Variants in SLC13A1 observed in about 807,000 individuals in gnomAD.
The protein encoded by SLC13A1 is Na(+)/sulfate cotransporter.
Under a neutral mutation model 70.0 loss-of-function variants are expected in SLC13A1, and 65 were observed. The ratio of observed to expected loss-of-function variants is 0.93; its 90% confidence interval spans 0.76 to 1.14. SLC13A1 has a LOEUF of 1.14. Ranked by LOEUF, SLC13A1 falls within the 50% of genes most tolerant of loss-of-function variation. The pLI, the probability that SLC13A1 is intolerant of heterozygous loss-of-function variation, is 0.00. For missense variants in SLC13A1, 726 were observed against 717.8 expected, an observed-to-expected ratio of 1.01 and a Z score of -0.13; for synonymous variants, 275 against 250.5, an observed-to-expected ratio of 1.10 and a Z score of -0.92.
intron 6 of SLC13A1, among the ~76,000 whole-genome samples, chr7:123,153,460 A>C (rs1585340967): frequency 1.3e-5 from 2 of 152,074 alleles, no homozygotes; most frequent in Non-Finnish European, 2.9e-5. Context: ...CATGAGCTCC[A>C]TGCATTCAGA....
intron 2 of SLC13A1, among the ~76,000 whole-genome samples, chr7:123,178,033 C>CTCTCTCTCTCTCTCTCTCTATATA (rs761704605): frequency 7.3e-5 from 11 of 149,956 alleles, no homozygotes; most frequent in African/African-American, 2.7e-4. Context: ...CTCTCTCTCT[C>CTCTCTCTCTCTCTCTCTCTATATA]TATATATATA....
At chr7:123,161,584 A>C (rs999225906) in intron 6 of SLC13A1, among the ~76,000 whole-genome samples, 4 of 152,152 alleles carry the variant, frequency 2.6e-5, no homozygotes, top group Non-Finnish European at 5.9e-5. Context: ...GGAGATGGGG[A>C]GCCATCTTGA....
rs201036744 is a variant in SLC13A1 at position 123,171,835 on chromosome 7, C to A, written c.298G>T (p.Glu100Ter). 25 of 1,613,492 alleles carry A rather than the reference C, an allele frequency of 1.5e-5. No homozygotes were observed. Among genetic ancestry groups the A allele is most frequent in the Non-Finnish European group, 1.9e-5 (22 of 1,179,658 alleles). The change falls in exon 3 of 15, where the codon GAA (glutamate) becomes TAA (stop). Residue 100 changes from glutamate (E) to a stop codon, truncating the protein, a stop_gained. Coordinates refer to ENST00000194130, the MANE Select transcript of SLC13A1 (RefSeq NM_022444.4). LOFTEE classifies it high-confidence loss of function. ...IGVICLATSIEKWNLHKRIAL... is the reference protein window; with the variant it reads ...IGVICLATSI ...ATTCTCTTGTGCAAATTCCATTTTT[C>A]TATGGATGTTGCTAAACAGATAACT...
At chr7:123,183,996 G>T (rs552848483) in intron 1 of SLC13A1, among the ~76,000 whole-genome samples, 3 of 152,114 alleles carry the variant, frequency 2.0e-5, no homozygotes, top group South Asian at 2.1e-4. Flanking sequence ...GCTAGCTAAG[G>T]CACCATATCT....
chr7:123,129,028 T>C (rs908748540), intron 9 of SLC13A1, 82 bp from the exon 10 acceptor site: 1 of 911,562 alleles, frequency 1.1e-6, no homozygotes, highest in African/African-American at 1.7e-5. Flanking sequence ...TTGTCAGGAA[T>C]GATCGCAGTA....
chr7:123,177,993 A>G (rs1457962063), intron 2 of SLC13A1, among the ~76,000 whole-genome samples: 1 of 150,544 alleles, frequency 6.6e-6, no homozygotes, highest in Non-Finnish European at 1.5e-5. Flanking sequence ...GTAAATACAT[A>G]ACATAACACC....
intron 8 of SLC13A1, among the ~76,000 whole-genome samples, chr7:123,129,750 C>T (rs1793693130): frequency 6.6e-6 from 1 of 152,112 alleles, no homozygotes; most frequent in African/African-American, 2.4e-5. Flanking sequence ...CATCCTTTAC[C>T]AATCTCTTCC....
At chr7:123,147,985 C>A (rs1794421853) in intron 6 of SLC13A1, among the ~76,000 whole-genome samples, 1 of 152,110 alleles carries the variant, frequency 6.6e-6, no homozygotes, top group Non-Finnish European at 1.5e-5. Context: ...CATCTACACA[C>A]CTTAATGGAT....
In SLC13A1 at chr7:123,169,198, G is replaced by C; in HGVS notation, c.503C>G (p.Thr168Ser). 6.2e-7 allele frequency: 1 copy of C among 1,614,028 alleles called. No homozygotes were observed. Among genetic ancestry groups the C allele is most frequent in the South Asian group, 1.1e-5 (1 of 91,078 alleles). ...TGATCCGTTGAAGTAAGTCATCTGA[G>C]TGGCCTCGACCTCTGCTTCTGCATT... The part of the protein sequence containing the change: ...IINAEAEVEA[T>S]QMTYFNGSTN... Residue 168 changes from threonine (T) to serine (S), a missense_variant, in exon 4 of 15, where the codon ACT (threonine) becomes AGT (serine). Thr to Ser is a moderately conservative substitution (Grantham distance 58). Transcript: ENST00000194130.
At position 123,115,580 on chromosome 7, in the gene SLC13A1, TG is replaced by T. The variant is rs762853368; in HGVS notation, c.1725del (p.Met576CysfsTer14). The T allele has an allele frequency of 6.8e-6, 11 of 1,613,908 alleles. No homozygotes were observed. The highest frequency in any genetic ancestry group is 1.6e-4 in the Middle Eastern group (1 of 6,062). ...VMLGICTWIVPMFDLYTYPSW... is the reference protein window; with the variant it reads ...VMLGICTWIVXMFDLYTYPSW... Reference sequence around the variant, plus strand: ...GAAGGGTAAGTGTAGAGGTCAAACATGGGTACAATCCAAGTACATATGCCAA... The same window carrying T: ...GAAGGGTAAGTGTAGAGGTCAAACATGGTACAATCCAAGTACATATGCCAA... On this transcript the variant is annotated frameshift_variant, in exon 15 of 15. Coordinates refer to ENST00000194130, the MANE Select transcript of SLC13A1 (RefSeq NM_022444.4). LOFTEE classifies it high-confidence loss of function.
Position 123,168,385 on chromosome 7 carries a change from C to A in SLC13A1, c.649G>T (p.Glu217Ter), listed in dbSNP as rs1355119925. The part of the protein sequence containing the change: ...NDTGKISSKV[E>*]LEKNSGMRTK... Reference sequence around the variant, plus strand: ...TCAAATTTATGTACCTTTTCCAACTCCACCTTGCTTGAAATTTTCCCTGTA... The same window carrying A: ...TCAAATTTATGTACCTTTTCCAACTACACCTTGCTTGAAATTTTCCCTGTA... Residue 217 changes from glutamate to a stop codon, truncating the protein, a stop_gained, in exon 6 of 15, where the codon GAG (glutamate) becomes TAG (stop). Coordinates refer to ENST00000194130, the MANE Select transcript of SLC13A1 (RefSeq NM_022444.4). LOFTEE classifies it high-confidence loss of function. 1.3e-6 allele frequency: 2 copies of A among 1,580,462 alleles called. No homozygotes were observed. The highest frequency in any genetic ancestry group is 4.5e-5 in the East Asian group (2 of 44,382).
chr7:123,177,228 C>G (rs746489164), intron 2 of SLC13A1, among the ~76,000 whole-genome samples: 8 of 152,060 alleles, frequency 5.3e-5, no homozygotes, highest in Non-Finnish European at 1.0e-4. Context: ...ACTTTTCTTC[C>G]AACCATATGC....
intron 6 of SLC13A1, among the ~76,000 whole-genome samples, chr7:123,161,251 TTTTA>T (rs1437246632): frequency 1.3e-5 from 2 of 150,650 alleles, no homozygotes; most frequent in Admixed American, 1.3e-4. Flanking sequence ...AAATAAAATA[TTTTA>T]TTTAAATGAA....
intron 7 of SLC13A1, among the ~76,000 whole-genome samples, chr7:123,138,105 C>A (rs763757207): frequency 2.6e-5 from 4 of 152,154 alleles, no homozygotes; most frequent in Non-Finnish European, 5.9e-5. Context: ...CATTCTTCTA[C>A]TGTCTATCAC....
At chr7:123,148,439 T>G (rs1164223869) in intron 6 of SLC13A1, 1 of 451,366 alleles carries the variant, frequency 2.2e-6, no homozygotes, top group Non-Finnish European at 4.4e-6. Flanking sequence ...ATGGTTTCAC[T>G]TGGGGAATCA....
intron 7 of SLC13A1, 33 bp downstream of exon 7, chr7:123,147,126 A>C: frequency 6.2e-7 from 1 of 1,601,438 alleles, no homozygotes; most frequent in Non-Finnish European, 8.5e-7. Flanking sequence ...TGCTGCCCTT[A>C]TGTTAAATCA....
intron 7 of SLC13A1, among the ~76,000 whole-genome samples, chr7:123,143,666 T>C (rs1196788935): frequency 2.0e-5 from 3 of 152,146 alleles, no homozygotes; most frequent in Non-Finnish European, 4.4e-5. Context: ...CTTTCAATGA[T>C]ATGAAATTAA....
intron 1 of SLC13A1, among the ~76,000 whole-genome samples, chr7:123,196,876 G>A (rs1364629568): frequency 6.6e-6 from 1 of 152,094 alleles, no homozygotes. Flanking sequence ...TTTAAAGCAT[G>A]AATTCTGAGT....
intron 10 of SLC13A1, among the ~76,000 whole-genome samples, chr7:123,127,794 A>G (rs1793608829): frequency 6.6e-6 from 1 of 151,622 alleles, no homozygotes; most frequent in Non-Finnish European, 1.5e-5. Context: ...ATGTGGGCAA[A>G]ATACATATGA....
Sources: allele counts gnomAD v4.1 joint callset (sites outside exome capture counted in the v4.1 genomes callset), GRCh38; gene constraint gnomAD v4.1.1; transcripts MANE v1.5; gene names NCBI Gene and HGNC (gene_info 2026-07-23, HGNC 2026-07-21).